The following FAM227B variants were observed in gnomAD, a reference collection of about 807,000 sequenced individuals.
The protein encoded by FAM227B is protein FAM227B.
A neutral mutation model predicts 73.8 loss-of-function variants in FAM227B; 88 were observed. That is an observed-to-expected ratio of 1.19 (90% CI 1.00 to 1.42). The LOEUF is 1.42. FAM227B is among the 40% of genes most tolerant of loss of function. The probability of loss-of-function intolerance (pLI) is 0.00; values close to 1 mark genes in which losing one functional copy is unlikely to be tolerated. For synonymous variants in FAM227B, 210 were observed against 190.5 expected (o/e 1.10, Z -0.84); for missense variants, 632 against 590.9 (o/e 1.07, Z -0.72).
intron 13 of FAM227B, among the ~76,000 whole-genome samples, chr15:49,336,759 G>C (rs2039787631): frequency 6.6e-6 from 1 of 152,006 alleles, no homozygotes; most frequent in African/African-American, 2.4e-5. Context: ...TTGATACATG[G>C]GTATATTTCA....
intron 11 of FAM227B, 60 bp downstream of exon 11, chr15:49,508,151 A>G: frequency 6.5e-7 from 1 of 1,532,172 alleles, no homozygotes; most frequent in Non-Finnish European, 8.8e-7. Flanking sequence ...CTGCCTAATA[A>G]ATAAATTAAT....
chr15:49,361,251 T>C (rs1555454242), intron 13 of FAM227B, among the ~76,000 whole-genome samples: 9 of 152,188 alleles, frequency 5.9e-5, no homozygotes, highest in Non-Finnish European at 1.3e-4. Context: ...AATTTTTTTT[T>C]AACTTTTATT....
chr15:49,551,428 T>C (rs2073002390), intron 9 of FAM227B, among the ~76,000 whole-genome samples: 1 of 152,250 alleles, frequency 6.6e-6, no homozygotes, highest in African/African-American at 2.4e-5. Flanking sequence ...CAATTCCTTT[T>C]TTTGGTTTCC....
intron 13 of FAM227B, chr15:49,365,417 C>G: frequency 2.9e-6 from 3 of 1,020,546 alleles, no homozygotes; most frequent in Non-Finnish European, 3.1e-6. Context: ...AACTCTTCTA[C>G]AGTACGCAAG....
intron 5 of FAM227B, among the ~76,000 whole-genome samples, chr15:49,577,991 T>C (rs2075570583): frequency 6.6e-6 from 1 of 152,220 alleles, no homozygotes; most frequent in Non-Finnish European, 1.5e-5. Context: ...AGAATGTTTA[T>C]TGTGAGTGCT....
chr15:49,589,754 G>C, intron 4 of FAM227B, 22 bp downstream of exon 4: 2 of 1,414,542 alleles, frequency 1.4e-6, no homozygotes, highest in African/African-American at 1.4e-5. Flanking sequence ...TTCTATAAAA[G>C]ATAAAAATAA....
intron 11 of FAM227B, among the ~76,000 whole-genome samples, chr15:49,408,743 CTTCA>C (rs984621573): frequency 6.0e-5 from 9 of 151,228 alleles, no homozygotes; most frequent in Non-Finnish European, 1.0e-4. Context: ...TTTTTTTCTG[CTTCA>C]TTTTCTGTCA....
chr15:49,568,996 C>T (rs187990857), intron 8 of FAM227B, among the ~76,000 whole-genome samples: 58 of 151,980 alleles, frequency 3.8e-4, no homozygotes, highest in Admixed American at 3.0e-3. Flanking sequence ...TCCCCAGTGA[C>T]GCCATCTGGT....
At chr15:49,565,395 A>AG (rs1179809782) in intron 9 of FAM227B, among the ~76,000 whole-genome samples, 4 of 151,830 alleles carry the variant, frequency 2.6e-5, no homozygotes, top group African/African-American at 9.7e-5. Flanking sequence ...AAAAAAAAAA[A>AG]AAAAATCAGA....
At chr15:49,451,181 A>G (rs1430681766) in intron 11 of FAM227B, among the ~76,000 whole-genome samples, 3 of 152,156 alleles carry the variant, frequency 2.0e-5, no homozygotes, top group Non-Finnish European at 4.4e-5. Flanking sequence ...GGATACTTAC[A>G]TATAAAATAA....
At chr15:49,419,049 G>C (rs1341869085) in intron 11 of FAM227B, among the ~76,000 whole-genome samples, 4 of 151,978 alleles carry the variant, frequency 2.6e-5, no homozygotes, top group African/African-American at 9.7e-5. Flanking sequence ...CCTCTTCTGG[G>C]GTATTCATTC....
chr15:49,518,743 T>G (rs1411871632), intron 10 of FAM227B, among the ~76,000 whole-genome samples: 2 of 151,930 alleles, frequency 1.3e-5, no homozygotes, highest in African/African-American at 2.4e-5. Context: ...GATTATGTGC[T>G]ACAATTCAAG....
intron 13 of FAM227B, among the ~76,000 whole-genome samples, chr15:49,363,811 T>C (rs2044663743): frequency 6.6e-6 from 1 of 152,100 alleles, no homozygotes; most frequent in Non-Finnish European, 1.5e-5. Context: ...TTGTTGAGGG[T>C]TTTTTATCAT....
At chr15:49,353,616 T>C (rs1187108596) in intron 13 of FAM227B, 7 of 143,610 alleles carry the variant, frequency 4.9e-5, no homozygotes, top group African/African-American at 1.6e-4. Flanking sequence ...AAATAAGGGT[T>C]TTTTTTTTTT....
At chr15:49,496,485 T>C (rs1001400284) in intron 11 of FAM227B, among the ~76,000 whole-genome samples, 4 of 152,228 alleles carry the variant, frequency 2.6e-5, no homozygotes, top group Admixed American at 1.3e-4. Context: ...GTCTTGTAAA[T>C]AATCTAACAA....
chr15:49,516,241 T>C (rs1157626320), intron 10 of FAM227B, among the ~76,000 whole-genome samples: 1 of 152,182 alleles, frequency 6.6e-6, no homozygotes. Context: ...ATTGTCACAC[T>C]ATCCCTAAGC....
At chr15:49,369,897 G>C (rs999290306) in intron 12 of FAM227B, among the ~76,000 whole-genome samples, 2 of 152,132 alleles carry the variant, frequency 1.3e-5, no homozygotes, top group African/African-American at 4.8e-5. Context: ...AAATAGTTTG[G>C]CCATTGCTGA....
chr15:49,442,318 A>G (rs1050446871), intron 11 of FAM227B, among the ~76,000 whole-genome samples: 8 of 151,580 alleles, frequency 5.3e-5, no homozygotes, highest in Admixed American at 4.0e-4. Flanking sequence ...CCCATTCTTC[A>G]GGGCCCAGAT....
At chr15:49,351,725 G>A (rs1424011448) in intron 13 of FAM227B, among the ~76,000 whole-genome samples, 1 of 150,758 alleles carries the variant, frequency 6.6e-6, no homozygotes, top group African/African-American at 2.4e-5. Flanking sequence ...GTTGAACCCT[G>A]ATAACAGTCC....
Sources: gnomAD v4.1 joint callset for allele counts (sites outside exome capture counted in the v4.1 genomes callset) on GRCh38, gnomAD v4.1.1 for gene constraint, MANE v1.5 for transcripts, NCBI Gene and HGNC (gene_info 2026-07-23, HGNC 2026-07-21) for gene names.